Variants in SEC14L1 observed in about 807,000 individuals in gnomAD.
SEC14L1 encodes SEC14-like protein 1.
SEC14L1 carries 48 observed loss-of-function variants against 85.3 expected under a neutral mutation model. The observed-to-expected ratio is 0.56, with a 90% CI of 0.45 to 0.72. The LOEUF is 0.72. Ranked by LOEUF, SEC14L1 falls within the 30% of genes least tolerant of loss-of-function variation. The pLI is 0.00. For missense variants in SEC14L1, 682 were observed against 921.4 expected (o/e 0.74, Z 3.36); for synonymous variants, 391 against 355.5 (o/e 1.10, Z -1.12).
At chr17:77,133,421 G>A (rs1489591185) in intron 3 of SEC14L1, among the ~76,000 whole-genome samples, 3 of 152,336 alleles carry the variant, frequency 2.0e-5, no homozygotes, top group Middle Eastern at 3.4e-3. Context: ...CTGACACTGC[G>A]TCCTGAGGTC....
intron 9 of SEC14L1, 120 bp downstream of exon 9, chr17:77,200,793 A>T (rs1281618091): frequency 7.5e-6 from 7 of 935,100 alleles, no homozygotes; most frequent in Non-Finnish European, 1.1e-5. Flanking sequence ...GTTTCTCCTC[A>T]CTCTGAGAAT....
intron 3 of SEC14L1, among the ~76,000 whole-genome samples, chr17:77,161,513 TAAA>T (rs993106817): frequency 6.6e-6 from 1 of 151,980 alleles, no homozygotes; most frequent in Non-Finnish European, 1.5e-5. Context: ...AAAAGTTAAT[TAAA>T]AAATAAAAAT....
intron 3 of SEC14L1, among the ~76,000 whole-genome samples, chr17:77,098,710 GC>G (rs1481299717): frequency 6.6e-6 from 1 of 152,126 alleles, no homozygotes; most frequent in Non-Finnish European, 1.5e-5. Flanking sequence ...AAGGACCTCA[GC>G]CCTGGATCTG....
At chr17:77,180,489 G>A (rs2143737964) in intron 3 of SEC14L1, among the ~76,000 whole-genome samples, 1 of 152,272 alleles carries the variant, frequency 6.6e-6, no homozygotes, top group South Asian at 2.1e-4. Flanking sequence ...CGTGATCATG[G>A]CTCACTGTAG....
intron 3 of SEC14L1, among the ~76,000 whole-genome samples, chr17:77,158,962 C>T (rs1413593955): frequency 7.3e-5 from 11 of 151,242 alleles, no homozygotes; most frequent in African/African-American, 1.9e-4. Flanking sequence ...TGCACCACCA[C>T]GCCCGGCTAA....
At chr17:77,203,722 G>A (rs988505224) in intron 10 of SEC14L1, 64 bp downstream of exon 10, 2 of 1,286,856 alleles carry the variant, frequency 1.6e-6, no homozygotes, top group East Asian at 2.5e-5. Context: ...CTGCCAGTAG[G>A]ATTGGGGTGT....
In SEC14L1 at chr17:77,144,205, C is replaced by T. The variant is rs536511456; in HGVS notation, c.63+546C>T. ...ACCTTTTCCAGTCATTTTTAGATTA[C>T]CGTAGGGTATTTCTTCTTTTCCTTT... is the stretch of plus-strand genomic sequence containing the variant. On this transcript the variant is annotated intron_variant, in intron 3 of 16. Coordinates refer to ENST00000436233, the MANE Select transcript of SEC14L1 (RefSeq NM_001143998.2). Among the ~76,000 whole-genome samples, 3 of 152,088 alleles carry T rather than the reference C, an allele frequency of 2.0e-5. No individual in the cohort carries two copies. The South Asian group carries it at 6.2e-4, about 32-fold the overall frequency.
At chr17:77,190,690 C>A in intron 3 of SEC14L1, 113 bp from the exon 4 acceptor site, 1 of 1,014,612 alleles carries the variant, frequency 9.9e-7, no homozygotes, top group Non-Finnish European at 1.5e-6. Flanking sequence ...ACAGTTGTGG[C>A]GCTGCCTGTT....
At chr17:77,154,136 A>G (rs892161159) in intron 3 of SEC14L1, among the ~76,000 whole-genome samples, 19 of 152,370 alleles carry the variant, frequency 1.2e-4, no homozygotes, top group African/African-American at 4.1e-4. Flanking sequence ...CATAGCATTT[A>G]CATTGTATTT....
At chr17:77,158,194 C>T (rs762455462) in intron 3 of SEC14L1, among the ~76,000 whole-genome samples, 2 of 152,218 alleles carry the variant, frequency 1.3e-5, no homozygotes, top group Non-Finnish European at 2.9e-5. Flanking sequence ...GGCCTGTAAC[C>T]ACTTTTAAGT....
exon 2 of SEC14L1, chr17:77,089,213 A>G (rs578196476): frequency 2.3e-5 from 8 of 345,406 alleles, no homozygotes; most frequent in Admixed American, 3.6e-5. Flanking sequence ...AGCAACCACT[A>G]TTTTCTTCCT....
chr17:77,163,859 T>C (rs80014750), intron 3 of SEC14L1, among the ~76,000 whole-genome samples: 8,004 of 152,298 alleles, frequency 0.053, 320 homozygotes, highest in Admixed American at 0.12. Context: ...TGAAACTGTT[T>C]TAGGGATTCA....
At chr17:77,176,105 C>T (rs772454363) in intron 3 of SEC14L1, among the ~76,000 whole-genome samples, 17 of 152,060 alleles carry the variant, frequency 1.1e-4, no homozygotes, top group Non-Finnish European at 1.9e-4. Context: ...GCCTGACCAA[C>T]ATGGTGAAAC....
chr17:77,180,306 G>A (rs557326923), intron 3 of SEC14L1, among the ~76,000 whole-genome samples: 1 of 151,038 alleles, frequency 6.6e-6, no homozygotes, highest in South Asian at 2.1e-4. Context: ...GGCCAGGCTG[G>A]TCTCTTAACT....
intron 3 of SEC14L1, among the ~76,000 whole-genome samples, chr17:77,151,239 A>G (rs896579710): frequency 6.6e-6 from 1 of 151,124 alleles, no homozygotes; most frequent in Non-Finnish European, 1.5e-5. Context: ...GGACCTGGTC[A>G]ATCAGTGGGA....
intron 3 of SEC14L1, among the ~76,000 whole-genome samples, chr17:77,180,592 A>G (rs1327097761): frequency 6.6e-6 from 1 of 152,018 alleles, no homozygotes; most frequent in Non-Finnish European, 1.5e-5. Context: ...TTGTGACTTG[A>G]TGCGTTTATC....
At chr17:77,135,136 C>T (rs1972752784) in intron 3 of SEC14L1, among the ~76,000 whole-genome samples, 1 of 152,178 alleles carries the variant, frequency 6.6e-6, no homozygotes, top group African/African-American at 2.4e-5. Flanking sequence ...TCTATTGACC[C>T]CATACCACTT....
At position 77,194,884 on chromosome 17, in the gene SEC14L1, C is replaced by T. The variant is rs533065668; in HGVS notation, c.682C>T (p.Pro228Ser). 1.2e-6 allele frequency: 2 copies of T among 1,614,156 alleles called. No individual in the cohort carries two copies. The highest frequency in any genetic ancestry group is 1.7e-6 in the Non-Finnish European group (2 of 1,179,980). The change falls in exon 7 of 17, where the codon CCT (proline) becomes TCT (serine). Residue 228 changes from proline to serine, a missense_variant. Physicochemically the swap from Pro to Ser is moderately conservative, Grantham distance 74. This residue lies in a region of SEC14L1 where 123 missense variants were observed against 100.6 expected (regional missense o/e 1.22). Coordinates refer to ENST00000436233, the MANE Select transcript of SEC14L1 (RefSeq NM_001143998.2). ...SGDALSSPSA[P>S]EPVVGTPDDK... ...TGATGCCCTCAGCAGCCCCAGCGCACCTGAGCCCGTGGTGGGCACCCCTGA... is the reference window on the plus strand; with the variant it reads ...TGATGCCCTCAGCAGCCCCAGCGCATCTGAGCCCGTGGTGGGCACCCCTGA...
Position 77,215,116 on chromosome 17 carries a change from G to A in SEC14L1, c.*1093G>A, listed in dbSNP as rs1976974281. The A allele has an allele frequency of 1.0e-6, 1 of 985,580 alleles. No homozygotes were observed. 61.1% of individuals were successfully genotyped at this position (985,580 alleles called of 1,614,324 possible). Reference sequence around the variant, plus strand: ...TGCATGTGTGCATGACGGTGGGGGTGCTGGGGGGACGGGGTGAGTGGAAAC... The same window carrying A: ...TGCATGTGTGCATGACGGTGGGGGTACTGGGGGGACGGGGTGAGTGGAAAC... On this transcript the variant is annotated 3_prime_UTR_variant, in exon 17 of 17. Coordinates refer to ENST00000436233, the MANE Select transcript of SEC14L1 (RefSeq NM_001143998.2).
Sources: allele counts gnomAD v4.1 joint callset (sites outside exome capture counted in the v4.1 genomes callset), GRCh38; gene constraint gnomAD v4.1.1; regional missense constraint gnomAD v4.1.1; transcripts MANE v1.5; gene names NCBI Gene and HGNC (gene_info 2026-07-23, HGNC 2026-07-21).